DMXL1: variants seen among roughly 807,000 people sequenced by gnomAD.
DMXL1 encodes the protein Dmx like 1.
In DMXL1, 99 loss-of-function variants were observed where a neutral mutation model predicts 319.2. The observed-to-expected ratio is 0.31, with a 90% CI of 0.26 to 0.37. The LOEUF (loss-of-function observed/expected upper bound fraction) is 0.37. Among genes scored for constraint, DMXL1 ranks in the 10% least tolerant of loss-of-function variants. The pLI, the probability that DMXL1 is intolerant of heterozygous loss-of-function variation, is 1.00. For synonymous variants in DMXL1, 1,385 were observed against 1,235.2 expected (o/e 1.12, Z -2.54); for missense variants, 3,745 against 3,595.6 (o/e 1.04, Z -1.06).
At position 119,134,837 on chromosome 5, in the gene DMXL1, A is replaced by G. The variant is rs572224808; in HGVS notation, c.2376+448A>G. On this transcript the variant is annotated intron_variant, in intron 13 of 43. Coordinates refer to ENST00000539542, the MANE Select transcript of DMXL1 (RefSeq NM_001290321.3). The stretch of plus-strand genomic sequence containing the variant: ...TAAGGCTTTTGCCTTATGACAGGCC[A>G]CATTTGTTCTCATACCCACCTAATA... Among the ~76,000 whole-genome samples the G allele has an allele frequency of 1.9e-4, 29 of 152,356 alleles. No homozygotes were observed. The South Asian group carries it at 2.5e-3, about 13-fold the overall frequency.
chr5:119,144,574 A>T lies in DMXL1; in HGVS notation c.2505A>T (p.Glu835Asp). Residue 835 changes from glutamate (E) to aspartate (D), a missense_variant, in exon 15 of 44, where the codon GAA becomes GAT. Glu to Asp is a conservative substitution (Grantham distance 45). Coordinates refer to ENST00000539542, the MANE Select transcript of DMXL1 (RefSeq NM_001290321.3). ...RKTQLLHVFE[E>D]DFILNNLEKK... ...CCCAACTGCTTCATGTTTTTGAAGA[A>T]GACTTCATTTTGAATAACCTTGAGA... is the stretch of plus-strand genomic sequence containing the variant. 6.2e-7 allele frequency: 1 copy of T among 1,602,120 alleles called. No individual in the cohort carries two copies. Among genetic ancestry groups the T allele is most frequent in the Admixed American group, 1.8e-5 (1 of 56,602 alleles).
chr5:119,133,003 T>C (rs934098812), intron 10 of DMXL1, 129 bp from the exon 11 acceptor site: 2 of 926,058 alleles, frequency 2.2e-6, no homozygotes, highest in East Asian at 5.2e-5. Flanking sequence ...GCGGAAGGGG[T>C]ACAGAGCTTC....
At chr5:119,100,255 C>A (rs1250768067) in intron 2 of DMXL1, among the ~76,000 whole-genome samples, 1 of 151,472 alleles carries the variant, frequency 6.6e-6, no homozygotes, top group Non-Finnish European at 1.5e-5. Flanking sequence ...ATAGAGAAAC[C>A]CCGTCTCTAC....
At chr5:119,109,494 C>T (rs1759099276) in intron 4 of DMXL1, among the ~76,000 whole-genome samples, 1 of 152,192 alleles carries the variant, frequency 6.6e-6, no homozygotes, top group Admixed American at 6.5e-5. Flanking sequence ...ACGCTGTGAA[C>T]TTGAAAAACT....
intron 29 of DMXL1, among the ~76,000 whole-genome samples, chr5:119,190,319 A>G (rs1187193243): frequency 6.6e-6 from 1 of 152,140 alleles, no homozygotes; most frequent in Non-Finnish European, 1.5e-5. Context: ...TTATTCCCTC[A>G]ACAACATGGT....
Position 119,134,406 on chromosome 5 carries a change from A to G in DMXL1, c.2376+17A>G, listed in dbSNP as rs1192046731. 3 of 1,589,942 alleles carry G rather than the reference A, an allele frequency of 1.9e-6. No individual in the cohort carries two copies. The highest frequency in any genetic ancestry group is 2.6e-6 in the Non-Finnish European group (3 of 1,165,826). On this transcript the variant is annotated intron_variant, in intron 13 of 43. Coordinates refer to ENST00000539542, the MANE Select transcript of DMXL1 (RefSeq NM_001290321.3). ...GAAATTTCTGTAAGTAATGTCTTTT[A>G]AAACAGCTTAAGTATATAATATTAT... is the stretch of plus-strand genomic sequence containing the variant.
In DMXL1 at chr5:119,112,746, C is replaced by T. The variant is rs145719967; in HGVS notation, c.498-1729C>T. ...CCGAGGTGGGTGGATCACCTGAGGT[C>T]GGCAATTCAAGACCAGCCTGGCCAC... is the stretch of plus-strand genomic sequence containing the variant. On this transcript the variant is annotated intron_variant, in intron 5 of 43. Coordinates refer to ENST00000539542, the MANE Select transcript of DMXL1 (RefSeq NM_001290321.3). 1.7e-3 allele frequency among the ~76,000 whole-genome samples: 255 copies of T among 152,092 alleles called. 1 individual carries two copies. The highest frequency in any genetic ancestry group is 5.7e-3 in the African/African-American group (238 of 41,498).
intron 34 of DMXL1, among the ~76,000 whole-genome samples, chr5:119,210,735 GTTCTTTT>G (rs913922878): frequency 2.0e-5 from 2 of 102,276 alleles, no homozygotes; most frequent in African/African-American, 3.5e-5. Flanking sequence ...ATTCTTCTAA[GTTCTTTT>G]TTCTTTTTTC....
intron 4 of DMXL1, 118 bp from the exon 5 acceptor site, chr5:119,110,033 A>G (rs1253163338): frequency 5.6e-6 from 5 of 891,590 alleles, no homozygotes; most frequent in Non-Finnish European, 8.3e-6. Context: ...CCGTTCTTCA[A>G]AATTTTTTTT....
intron 38 of DMXL1, among the ~76,000 whole-genome samples, chr5:119,229,372 A>T (rs1485682135): frequency 6.6e-6 from 1 of 152,182 alleles, no homozygotes; most frequent in African/African-American, 2.4e-5. Context: ...GTCAAGAGAA[A>T]ACCAATACTC....
rs771917490 is a variant in DMXL1, at chr5:119,167,870, C to G, written c.5398+6C>G. The G allele has an allele frequency of 6.2e-7, 1 of 1,609,010 alleles. No individual in the cohort carries two copies. Among genetic ancestry groups the G allele is most frequent in the African/African-American group, 1.3e-5 (1 of 74,614 alleles). ...ACCTATCAGAGAGAATGATGGTAAG[C>G]TGCACTTCTAAGATGTTAATGATTA... is the stretch of plus-strand genomic sequence containing the variant. On this transcript the variant is annotated splice_donor_region_variant and intron_variant, in intron 23 of 43. Coordinates refer to ENST00000539542, the MANE Select transcript of DMXL1 (RefSeq NM_001290321.3).
chr5:119,081,514 AC>A, intron 1 of DMXL1: 1 of 943,582 alleles, frequency 1.1e-6, no homozygotes, highest in Non-Finnish European at 1.3e-6. Flanking sequence ...AAACATCTTC[AC>A]ACTTAAGTCA....
intron 38 of DMXL1, among the ~76,000 whole-genome samples, chr5:119,227,377 A>G (rs1785787372): frequency 6.6e-6 from 1 of 152,198 alleles, no homozygotes; most frequent in Admixed American, 6.6e-5. Context: ...CTGCTGGAAC[A>G]TTAATAAGGA....
rs1158507194 is a variant in DMXL1 at position 119,133,396 on chromosome 5, T to A, written c.1569+11T>A. ...TTTCGTCAAGTACAGGTACTACTGTTATTTCTGGAGAGCTACTTCCTTGTT... is the reference window on the plus strand; with the variant it reads ...TTTCGTCAAGTACAGGTACTACTGTAATTTCTGGAGAGCTACTTCCTTGTT... On this transcript the variant is annotated intron_variant, in intron 11 of 43. Coordinates refer to ENST00000539542, the MANE Select transcript of DMXL1 (RefSeq NM_001290321.3). 2 of 1,604,820 alleles carry A rather than the reference T, an allele frequency of 1.2e-6. No individual in the cohort carries two copies. Among genetic ancestry groups the A allele is most frequent in the South Asian group, 2.2e-5 (2 of 89,942 alleles).
intron 5 of DMXL1, among the ~76,000 whole-genome samples, chr5:119,113,196 T>C (rs1760052469): frequency 6.6e-6 from 1 of 151,882 alleles, no homozygotes; most frequent in African/African-American, 2.4e-5. Context: ...CCTGCACACA[T>C]ATACACATCT....
rs763473560 is a variant in DMXL1, at chr5:119,197,868, G to T, written c.7657G>T (p.Ala2553Ser). ...TGGTGGGCCACCTCAAAATTATATC[G>T]CAAGTCATACCGCCGAAGAGAGTTT... is the stretch of plus-strand genomic sequence containing the variant. ...IHGGPPQNYI[A>S]SHTAEESLSA... The change falls in exon 32 of 44, where the codon GCA becomes TCA. Residue 2553 changes from alanine to serine, a missense_variant. Ala to Ser is a moderately conservative substitution (Grantham distance 99). Around this residue, in one of 4 missense-constraint regions of DMXL1, gnomAD observed 1,382 missense variants for 1,269.5 expected, o/e 1.09. Coordinates refer to ENST00000539542, the MANE Select transcript of DMXL1 (RefSeq NM_001290321.3). The T allele has an allele frequency of 1.9e-6, 3 of 1,614,092 alleles. No homozygotes were observed. Among genetic ancestry groups the T allele is most frequent in the Non-Finnish European group, 2.5e-6 (3 of 1,180,014 alleles).
intron 1 of DMXL1, among the ~76,000 whole-genome samples, chr5:119,087,546 A>C (rs150152509): frequency 1.4e-4 from 21 of 152,266 alleles, no homozygotes; most frequent in Non-Finnish European, 2.6e-4. Flanking sequence ...TTTTTCAAAA[A>C]ATTGTTCAGA....
intron 37 of DMXL1, among the ~76,000 whole-genome samples, chr5:119,222,437 A>G (rs1305420169): frequency 6.6e-6 from 1 of 152,192 alleles, no homozygotes. Context: ...CAGCTGACAG[A>G]TATGTTACAA....
intron 28 of DMXL1, among the ~76,000 whole-genome samples, chr5:119,188,248 C>G (rs962260352): frequency 1.3e-5 from 2 of 151,814 alleles, no homozygotes; most frequent in African/African-American, 4.8e-5. Context: ...GTCTATACTT[C>G]TTGGTTCACA....
Sources: gnomAD v4.1 joint callset for allele counts (sites outside exome capture counted in the v4.1 genomes callset) on GRCh38, gnomAD v4.1.1 for gene constraint, gnomAD v4.1.1 regional missense constraint, MANE v1.5 for transcripts, NCBI Gene and HGNC (gene_info 2026-07-23, HGNC 2026-07-21) for gene names.